The following LAMA3 variants were observed in gnomAD, a reference collection of about 807,000 sequenced individuals.
LAMA3 encodes the protein laminin subunit alpha-3.
A neutral mutation model predicts 402.0 loss-of-function variants in LAMA3; 281 were observed. That is an observed-to-expected ratio of 0.70 (90% CI 0.63 to 0.77). The LOEUF (loss-of-function observed/expected upper bound fraction) is 0.77. Among genes scored for constraint, LAMA3 ranks in the 30% least tolerant of loss-of-function variants. LAMA3 has a pLI of 0.00. For missense variants in LAMA3, 3,840 were observed against 4,215.5 expected, an observed-to-expected ratio of 0.91 and a Z score of 2.47; for synonymous variants, 1,431 against 1,558.4, an observed-to-expected ratio of 0.92 and a Z score of 1.93.
At chr18:23,756,364 C>G (rs1198907745) in intron 6 of LAMA3, among the ~76,000 whole-genome samples, 1 of 150,700 alleles carries the variant, frequency 6.6e-6, no homozygotes, top group Admixed American at 6.6e-5. Context: ...CACTGCACGT[C>G]TCTCATATTT....
In LAMA3 at chr18:23,836,964, T is replaced by A. The variant is rs750356809; in HGVS notation, c.2985-17T>A. 3 of 1,593,546 alleles carry A rather than the reference T, an allele frequency of 1.9e-6. No individual in the cohort carries two copies. In the African/African-American group the frequency reaches 4.0e-5, roughly 21 times the overall value. On this transcript the variant is annotated splice_polypyrimidine_tract_variant and intron_variant, in intron 24 of 74. Coordinates refer to ENST00000313654, the MANE Select transcript of LAMA3 (RefSeq NM_198129.4). ...ATGCCGGGAGTCAGGCTAAGAAAAC[T>A]CTGTTTTCTCTTGCAGTGTTCTCTG...
At chr18:23,871,691 C>T (rs1186820899) in intron 38 of LAMA3, 30 bp downstream of exon 38, 2 of 1,550,620 alleles carry the variant, frequency 1.3e-6, no homozygotes, top group Non-Finnish European at 1.8e-6. Flanking sequence ...GCAACATTTC[C>T]CTAGGGAGCT....
intron 23 of LAMA3, among the ~76,000 whole-genome samples, chr18:23,830,104 G>A (rs1411235463): frequency 1.3e-5 from 2 of 152,062 alleles, no homozygotes; most frequent in African/African-American, 4.8e-5. Context: ...TTCAGTCCTG[G>A]TGCCATTTTG....
At chr18:23,810,612 C>G (rs1312855051) in intron 13 of LAMA3, 109 bp downstream of exon 13, 1 of 1,216,662 alleles carries the variant, frequency 8.2e-7, no homozygotes, top group Non-Finnish European at 1.2e-6. Flanking sequence ...TGGCCACCCC[C>G]ACATCCTGCT....
chr18:23,828,928 AT>A (rs1396426884), intron 23 of LAMA3, among the ~76,000 whole-genome samples: 2 of 152,098 alleles, frequency 1.3e-5, no homozygotes, highest in African/African-American at 4.8e-5. Flanking sequence ...TTACTTCTTC[AT>A]TTAGCTTTTT....
At chr18:23,882,833 CAGGGAGGGAGAGAA>C (rs1395055879) in intron 40 of LAMA3, among the ~76,000 whole-genome samples, 1 of 152,062 alleles carries the variant, frequency 6.6e-6, no homozygotes, top group African/African-American at 2.4e-5. Context: ...TAGAGTGTGG[CAGGGAGGGAGAGAA>C]AGGGTGGGAG....
intron 2 of LAMA3, among the ~76,000 whole-genome samples, chr18:23,736,414 T>A (rs1266477190): frequency 6.6e-6 from 1 of 151,550 alleles, no homozygotes; most frequent in African/African-American, 2.4e-5. Context: ...GAGACTATCT[T>A]TCACATTGAT....
intron 12 of LAMA3, among the ~76,000 whole-genome samples, chr18:23,791,973 T>C (rs1226401916): frequency 6.6e-6 from 1 of 152,172 alleles, no homozygotes; most frequent in Non-Finnish European, 1.5e-5. Flanking sequence ...CAATGATATA[T>C]ACAAAATTCC....
intron 1 of LAMA3, among the ~76,000 whole-genome samples, chr18:23,707,219 G>A (rs1438410035): frequency 2.0e-5 from 3 of 152,232 alleles, no homozygotes; most frequent in African/African-American, 7.2e-5. Context: ...AGGATGGACT[G>A]GATGGCCTAA....
chr18:23,703,136 G>T (rs1430550178), intron 1 of LAMA3, among the ~76,000 whole-genome samples: 3 of 152,176 alleles, frequency 2.0e-5, no homozygotes, highest in Non-Finnish European at 2.9e-5. Context: ...GTGGGCAGAA[G>T]AATCCTTTGG....
intron 67 of LAMA3, among the ~76,000 whole-genome samples, chr18:23,934,977 G>A (rs531831571): frequency 6.6e-6 from 1 of 152,268 alleles, no homozygotes; most frequent in South Asian, 2.1e-4. Context: ...AATCCAGAAG[G>A]GCTGTCATTT....
At chr18:23,873,064 G>T (rs1269777917) in intron 38 of LAMA3, 2 of 1,614,206 alleles carry the variant, frequency 1.2e-6, no homozygotes, top group Non-Finnish European at 1.7e-6. Flanking sequence ...GCAGTGAGGC[G>T]GTCAGCCTGC....
intron 25 of LAMA3, 139 bp downstream of exon 25, chr18:23,837,228 C>T (rs1190851377): frequency 2.8e-5 from 19 of 685,348 alleles, no homozygotes; most frequent in Non-Finnish European, 5.1e-5. Flanking sequence ...TTATTCTTCC[C>T]ATCTAGAACC....
At chr18:23,874,393 C>G (rs1467353044) in intron 38 of LAMA3, among the ~76,000 whole-genome samples, 1 of 152,232 alleles carries the variant, frequency 6.6e-6, no homozygotes, top group East Asian at 1.9e-4. Flanking sequence ...ACATTCCTTT[C>G]ATACTTTGAT....
intron 1 of LAMA3, among the ~76,000 whole-genome samples, chr18:23,707,238 C>T (rs180780369): frequency 2.4e-4 from 36 of 152,282 alleles, no homozygotes; most frequent in African/African-American, 8.7e-4. Context: ...AAGAAGGCCT[C>T]GCTAACATAC....
chr18:23,921,400 T>C, intron 61 of LAMA3, 52 bp from the exon 62 acceptor site: 2 of 1,594,358 alleles, frequency 1.3e-6, no homozygotes, highest in Non-Finnish European at 1.7e-6. Flanking sequence ...CCCCTGTGAA[T>C]AGGATTCTCT....
At position 23,820,064 on chromosome 18, in the gene LAMA3, G is replaced by T. The variant is rs6507956; in HGVS notation, c.2304+67G>T. 0.74 allele frequency: 1,124,874 copies of T among 1,516,792 alleles called. 419,869 individuals are homozygous for T. Among genetic ancestry groups the T allele is most frequent in the African/African-American group, 0.95 (69,661 of 73,190 alleles). The allele number at this position is 1,516,792 out of a possible 1,614,324, so 94.0% of individuals were successfully genotyped here. On this transcript the variant is annotated intron_variant, in intron 19 of 74. Transcript: ENST00000313654. The stretch of plus-strand genomic sequence containing the variant: ...AGATACTTCCCCACACCAGTCTCAG[G>T]GAGCCCCCTGAAAGGTGACCTGTCC...
rs758660279 is a variant in LAMA3 at position 23,827,299 on chromosome 18, T to A, written c.2670-15T>A. The stretch of plus-strand genomic sequence containing the variant: ...GTTGTAACTATTGATTCCATTGTTG[T>A]TGCTGTTGTTGAAGTTGCTTACTCT... On this transcript the variant is annotated splice_polypyrimidine_tract_variant and intron_variant, in intron 22 of 74. Transcript: ENST00000313654. 1 of 1,613,930 alleles carries A rather than the reference T, an allele frequency of 6.2e-7. No individual in the cohort carries two copies. Among genetic ancestry groups the A allele is most frequent in the South Asian group, 1.1e-5 (1 of 91,084 alleles).
chr18:23,749,113 G>A (rs781225186), intron 3 of LAMA3, among the ~76,000 whole-genome samples: 28 of 152,176 alleles, frequency 1.8e-4, no homozygotes, highest in Admixed American at 1.4e-3. Flanking sequence ...ATGAACAGAG[G>A]TGGACAAGAA....
Sources: allele counts gnomAD v4.1 joint callset (sites outside exome capture counted in the v4.1 genomes callset), GRCh38; gene constraint gnomAD v4.1.1; transcripts MANE v1.5; gene names NCBI Gene and HGNC (gene_info 2026-07-23, HGNC 2026-07-21).